Variants in DOCK1 observed in about 807,000 individuals in gnomAD.
The protein encoded by DOCK1 is dedicator of cytokinesis protein 1.
A neutral mutation model predicts 262.7 loss-of-function variants in DOCK1; 138 were observed. The ratio of observed to expected loss-of-function variants is 0.53; its 90% CI spans 0.46 to 0.61. The LOEUF (loss-of-function observed/expected upper bound fraction) is 0.61. Ranked by LOEUF, DOCK1 falls within the 20% of genes least tolerant of loss-of-function variation. The pLI is 0.00. For missense variants in DOCK1, 1,908 were observed against 2,370.7 expected (o/e 0.80, Z 4.05); for synonymous variants, 866 against 867.4 (o/e 1.00, Z 0.03).
At position 126,992,775 on chromosome 10, in the gene DOCK1, G is replaced by GAC. The variant is rs796635231; in HGVS notation, c.473+2184_473+2185dup. 4.0e-4 allele frequency among the ~76,000 whole-genome samples: 54 copies of GAC among 134,998 alleles called. 2 individuals carry two copies. Among genetic ancestry groups the GAC allele is most frequent in the African/African-American group, 1.3e-3 (50 of 38,712 alleles). The allele number at this position is 134,998 out of a possible 152,430, so 88.6% of individuals were successfully genotyped here. On this transcript the variant is annotated intron_variant, in intron 6 of 51. Coordinates refer to ENST00000623213, the MANE Select transcript of DOCK1 (RefSeq NM_001290223.2). ...ACACACACACACACAGACAGACACA[G>GAC]ACACACACACACAGACACACACACA...
At position 127,106,307 on chromosome 10, in the gene DOCK1, T is replaced by A; in HGVS notation, c.2516+6T>A. On this transcript the variant is annotated splice_donor_region_variant and intron_variant, in intron 24 of 51. Coordinates refer to ENST00000623213, the MANE Select transcript of DOCK1 (RefSeq NM_001290223.2). Reference sequence around the variant, plus strand: ...TTTGATCCCAAAGAGCTCAGGTAAGTATGCAGCCCAGGCGAATGCTTGTCA... The same window carrying A: ...TTTGATCCCAAAGAGCTCAGGTAAGAATGCAGCCCAGGCGAATGCTTGTCA... The A allele has an allele frequency of 1.3e-6, 2 of 1,593,380 alleles. No homozygotes were observed. Among genetic ancestry groups the A allele is most frequent in the Non-Finnish European group, 1.7e-6 (2 of 1,168,646 alleles).
chr10:127,439,660 G>T (rs2069950571), intron 49 of DOCK1, among the ~76,000 whole-genome samples: 1 of 152,160 alleles, frequency 6.6e-6, no homozygotes, highest in South Asian at 2.1e-4. Flanking sequence ...AAAATCAGCG[G>T]AACTAGAATC....
chr10:127,195,782 A>C (rs567963600), intron 27 of DOCK1, among the ~76,000 whole-genome samples: 1 of 152,104 alleles, frequency 6.6e-6, no homozygotes, highest in African/African-American at 2.4e-5. Flanking sequence ...ATGCAGTTGC[A>C]TAACCTTGCC....
At chr10:127,127,963 G>A (rs2050070471) in intron 27 of DOCK1, 199 bp downstream of exon 27, 2 of 391,532 alleles carry the variant, frequency 5.1e-6, no homozygotes, top group Non-Finnish European at 9.1e-6. Flanking sequence ...GGAAACATTT[G>A]GCTCTTGTTT....
chr10:127,177,088 G>C (rs1325991036), intron 27 of DOCK1: 1 of 151,936 alleles, frequency 6.6e-6, no homozygotes, highest in African/African-American at 2.4e-5. Flanking sequence ...ATCTACAAAG[G>C]CCATGTTTGC....
intron 29 of DOCK1, among the ~76,000 whole-genome samples, chr10:127,289,031 C>G (rs1411670187): frequency 6.6e-6 from 1 of 151,890 alleles, no homozygotes; most frequent in Non-Finnish European, 1.5e-5. Flanking sequence ...CTCAGATATA[C>G]TAAGCAAGTG....
chr10:127,085,934 T>C (rs1591965091), intron 23 of DOCK1, among the ~76,000 whole-genome samples: 2 of 152,284 alleles, frequency 1.3e-5, no homozygotes, highest in Admixed American at 6.5e-5. Flanking sequence ...CACAGGCATT[T>C]GGGAGGCATG....
chr10:127,086,409 A>G (rs1212190545), intron 23 of DOCK1, among the ~76,000 whole-genome samples: 1 of 152,156 alleles, frequency 6.6e-6, no homozygotes, highest in Admixed American at 6.5e-5. Context: ...CCTCCATGCT[A>G]GTTTGGCATG....
chr10:127,327,383 C>A (rs2062789193), intron 29 of DOCK1, among the ~76,000 whole-genome samples: 1 of 152,214 alleles, frequency 6.6e-6, no homozygotes, highest in Admixed American at 6.5e-5. Context: ...GTTCACCTTG[C>A]ACTTTTATGT....
chr10:126,996,223 T>C (rs1014614746), intron 6 of DOCK1, among the ~76,000 whole-genome samples: 3 of 151,510 alleles, frequency 2.0e-5, no homozygotes, highest in Middle Eastern at 6.8e-3. Flanking sequence ...CTACTAAAAA[T>C]ACAAAAATTA....
intron 1 of DOCK1, among the ~76,000 whole-genome samples, chr10:126,936,814 T>C (rs2034587110): frequency 6.6e-6 from 1 of 152,180 alleles, no homozygotes; most frequent in Non-Finnish European, 1.5e-5. Flanking sequence ...AAATTTACTG[T>C]CTTAACCATT....
intron 1 of DOCK1, among the ~76,000 whole-genome samples, chr10:126,937,906 T>G (rs1431749048): frequency 6.6e-6 from 1 of 152,196 alleles, no homozygotes; most frequent in Non-Finnish European, 1.5e-5. Flanking sequence ...TGAGGTCATA[T>G]CCAATAAATA....
At chr10:127,297,495 A>G (rs866270344) in intron 29 of DOCK1, among the ~76,000 whole-genome samples, 1 of 150,240 alleles carries the variant, frequency 6.7e-6, no homozygotes, top group East Asian at 2.0e-4. Flanking sequence ...GGCAGTGAGC[A>G]CAGAAGGAGG....
chr10:127,278,025 T>C (rs1008081662), intron 29 of DOCK1, among the ~76,000 whole-genome samples: 7 of 152,210 alleles, frequency 4.6e-5, no homozygotes, highest in East Asian at 3.9e-4. Flanking sequence ...CACACAGCTG[T>C]GTCCACTCAC....
chr10:127,439,040 C>T lies in DOCK1; in HGVS notation c.5074C>T (p.Pro1692Ser), dbSNP rs1466809357. 6.4e-7 allele frequency: 1 copy of T among 1,551,614 alleles called. No individual in the cohort carries two copies. Among genetic ancestry groups the T allele is most frequent in the Non-Finnish European group, 8.7e-7 (1 of 1,147,106 alleles). Reference sequence around the variant, plus strand: ...CCTTTCCTTTAGGTTTGCCCTGGAGCCTCTCCTGCCAAAGAAAATGCACTC... The same window carrying T: ...CCTTTCCTTTAGGTTTGCCCTGGAGTCTCTCCTGCCAAAGAAAATGCACTC... ...RPGSDGFALE[P>S]LLPKKMHSRS... The change falls in exon 49 of 52, where the codon CCT becomes TCT. Residue 1692 changes from proline (P) to serine (S), a missense_variant. By Grantham distance (74) the Pro-to-Ser change is moderately conservative. Coordinates refer to ENST00000623213, the MANE Select transcript of DOCK1 (RefSeq NM_001290223.2).
At chr10:127,016,652 TACACACAC>T (rs140317971) in intron 12 of DOCK1, 1 of 75,814 alleles carries the variant, frequency 1.3e-5, no homozygotes. Flanking sequence ...CACACACACA[TACACACAC>T]ACACATGCAC....
At chr10:127,187,730 GAA>G (rs1462338591) in intron 27 of DOCK1, among the ~76,000 whole-genome samples, 2 of 107,126 alleles carry the variant, frequency 1.9e-5, no homozygotes, top group African/African-American at 2.9e-5. Flanking sequence ...AAGAAAGAGA[GAA>G]AGAAAGAAAG....
chr10:127,335,865 C>T (rs1367237018), intron 29 of DOCK1, among the ~76,000 whole-genome samples: 1 of 152,122 alleles, frequency 6.6e-6, no homozygotes, highest in Non-Finnish European at 1.5e-5. Context: ...CGGGCACCTA[C>T]CACCATGCCC....
At chr10:127,419,813 A>C (rs949694077) in intron 46 of DOCK1, 64 bp downstream of exon 46, 8 of 1,496,898 alleles carry the variant, frequency 5.3e-6, no homozygotes, top group Non-Finnish European at 7.3e-6. Context: ...GTCTAGGCTC[A>C]GCACACACAC....
Sources: gnomAD v4.1 joint callset for allele counts (sites outside exome capture counted in the v4.1 genomes callset) on GRCh38, gnomAD v4.1.1 for gene constraint, MANE v1.5 for transcripts, NCBI Gene and HGNC (gene_info 2026-07-23, HGNC 2026-07-21) for gene names.